MACF1: variants seen among roughly 807,000 people sequenced by gnomAD.
MACF1 encodes the protein microtubule-actin cross-linking factor 1.
A neutral mutation model predicts 854.8 loss-of-function variants in MACF1; 193 were observed. The ratio of observed to expected loss-of-function variants is 0.23; its 90% CI spans 0.20 to 0.25. The LOEUF is 0.25. MACF1 is among the 10% of genes least tolerant of loss of function. The pLI, the probability that MACF1 is intolerant of heterozygous loss-of-function variation, is 1.00. For synonymous variants in MACF1, 3,185 were observed against 3,226.7 expected (o/e 0.99, Z 0.44); for missense variants, 7,722 against 8,929.1 (o/e 0.86, Z 5.45).
chr1:39,151,584 C>T (rs917449197), intron 2 of MACF1, among the ~76,000 whole-genome samples: 1 of 152,166 alleles, frequency 6.6e-6, no homozygotes, highest in African/African-American at 2.4e-5. Flanking sequence ...GCTCATGTTT[C>T]TACTTTGTTT....
In MACF1 at chr1:39,316,407, G is replaced by A. The variant is rs1038694213; in HGVS notation, c.3466G>A (p.Val1156Ile). The A allele has an allele frequency of 1.9e-6, 3 of 1,611,694 alleles. No individual in the cohort carries two copies. Among genetic ancestry groups the A allele is most frequent in the South Asian group, 2.2e-5 (2 of 90,642 alleles). The change falls in exon 28 of 101, where the codon GTT (valine) becomes ATT (isoleucine). Residue 1156 changes from valine to isoleucine, a missense_variant. This residue lies in a region of MACF1 where 1,137 missense variants were observed against 1,263.0 expected (regional missense o/e 0.90). Coordinates refer to ENST00000564288, the MANE Select transcript of MACF1 (RefSeq NM_001394062.1). ...TCCCCACAGGTTAAAGACAGTTGAT[G>A]TTATAGTACGTAGCATACAGGATGC... Reference protein sequence around the residue: ...VYLNKLKTVDVIVRSIQDAEL... With the variant: ...VYLNKLKTVDIIVRSIQDAEL...
At chr1:39,453,154 T>A (rs1250949914) in intron 87 of MACF1, among the ~76,000 whole-genome samples, 1 of 152,218 alleles carries the variant, frequency 6.6e-6, no homozygotes, top group Non-Finnish European at 1.5e-5. Flanking sequence ...TAGGCCCTGA[T>A]CTGATCCCCC....
At chr1:39,350,497 A>C (rs1479214361) in intron 42 of MACF1, among the ~76,000 whole-genome samples, 1 of 152,230 alleles carries the variant, frequency 6.6e-6, no homozygotes, top group East Asian at 1.9e-4. Flanking sequence ...CATGTTGTCA[A>C]CACTTCTTTA....
chr1:39,334,787 C>T lies in MACF1; in HGVS notation c.8199C>T (p.Asp2733=), dbSNP rs755338410. The change falls in exon 37 of 101, where the codon GAC becomes GAT. Residue 2733 remains aspartate (D), a synonymous_variant. Coordinates refer to ENST00000564288, the MANE Select transcript of MACF1 (RefSeq NM_001394062.1). ...SHQVLNGGIV[D]IFSDQRVTLV... is the part of the protein sequence containing the mutation. ...AGGTGTTAAATGGAGGAATTGTTGA[C>T]ATATTTAGTGATCAGAGAGTGACTT... 6.8e-6 allele frequency: 11 copies of T among 1,613,948 alleles called. No individual in the cohort carries two copies. The South Asian group carries it at 1.1e-4, about 16-fold the overall frequency.
intron 58 of MACF1, among the ~76,000 whole-genome samples, chr1:39,408,952 C>T (rs1358135177): frequency 7.4e-6 from 1 of 134,268 alleles, no homozygotes; most frequent in Non-Finnish European, 1.6e-5. Flanking sequence ...GCCCCGCCCC[C>T]GCCCTCGTCC....
intron 2 of MACF1, among the ~76,000 whole-genome samples, chr1:39,186,062 G>A (rs1644164506): frequency 1.3e-5 from 2 of 151,892 alleles, no homozygotes. Flanking sequence ...ATGAGCTAAA[G>A]GCCTTTAATC....
chr1:39,116,370 G>T (rs1642544075), intron 2 of MACF1, among the ~76,000 whole-genome samples: 1 of 148,570 alleles, frequency 6.7e-6, no homozygotes, highest in South Asian at 2.1e-4. Context: ...AGGAAGGAAA[G>T]AAGGGGTGAG....
Position 39,358,712 on chromosome 1 carries a change from T to C in MACF1, c.11959T>C (p.Ser3987Pro), listed in dbSNP as rs1647812365. 1 of 1,613,998 alleles carries C rather than the reference T, an allele frequency of 6.2e-7. No individual in the cohort carries two copies. The highest frequency in any genetic ancestry group is 1.3e-5 in the African/African-American group (1 of 74,928). Residue 3987 changes from serine to proline, a missense_variant, in exon 46 of 101, where the codon TCT becomes CCT. This residue lies in a region of MACF1 where 2,807 missense variants were observed against 3,235.8 expected (regional missense o/e 0.87). Coordinates refer to ENST00000564288, the MANE Select transcript of MACF1 (RefSeq NM_001394062.1). Reference protein sequence around the residue: ...ALHSKCTRLGSHLNMLLGQYH... With the variant: ...ALHSKCTRLGPHLNMLLGQYH... ...TCTGGCACAGTGTACACGATTAGGA[T>C]CTCACCTGAATATGCTGTTAGGCCA...
chr1:39,232,781 CTTTG>C (rs1460933701), intron 2 of MACF1, among the ~76,000 whole-genome samples: 76 of 102,768 alleles, frequency 7.4e-4, no homozygotes, highest in Non-Finnish European at 7.9e-4. Context: ...TTGTTTGTTT[CTTTG>C]TTTGTTTGTT....
At position 39,460,917 on chromosome 1, in the gene MACF1, T is replaced by C; in HGVS notation, c.21523+123T>C. ...CCAGGAGCTTGGCTCACACCTGTAA[T>C]TCCAGCACTTTGGGAGGCAGGTGGC... On this transcript the variant is annotated intron_variant, in intron 92 of 100. Transcript: ENST00000564288. This position sits in a 1 kb window ranked among gnomAD's most constrained non-coding sequence, Gnocchi z 4.1. The C allele has an allele frequency of 9.0e-7, 1 of 1,106,418 alleles. No individual in the cohort carries two copies. The highest frequency in any genetic ancestry group is 1.3e-6 in the Non-Finnish European group (1 of 757,764). The allele number at this position is 1,106,418 out of a possible 1,614,324, so 68.5% of individuals were successfully genotyped here. A position where few individuals can be genotyped will look rare whatever the true frequency, so the allele number is the denominator to read the frequency against.
chr1:39,466,928 C>G (rs938376093), intron 95 of MACF1, among the ~76,000 whole-genome samples: 4 of 152,144 alleles, frequency 2.6e-5, no homozygotes, highest in African/African-American at 9.7e-5. Context: ...GCAAATACTG[C>G]ATTTGAGTCA....
At chr1:39,341,312 G>A (rs527501834) in intron 40 of MACF1, among the ~76,000 whole-genome samples, 68 of 151,546 alleles carry the variant, frequency 4.5e-4, no homozygotes, top group African/African-American at 1.4e-3. Context: ...GGGATTATAG[G>A]TGTGAGCCAC....
intron 97 of MACF1, among the ~76,000 whole-genome samples, chr1:39,470,823 G>A (rs1373213721): frequency 6.6e-6 from 1 of 152,050 alleles, no homozygotes; most frequent in East Asian, 1.9e-4. Flanking sequence ...TGTCATGTAT[G>A]ATCAGACTAA....
At chr1:39,221,753 C>T (rs866298614) in intron 1 of MACF1, among the ~76,000 whole-genome samples, 1 of 152,190 alleles carries the variant, frequency 6.6e-6, no homozygotes, top group South Asian at 2.1e-4. Context: ...TTTCCTGCTG[C>T]CTCTGCCCTA....
In MACF1 at chr1:39,440,106, C is replaced by CTTT. The variant is rs1251165556; in HGVS notation, c.18447+608_18447+610dup. On this transcript the variant is annotated intron_variant, in intron 72 of 100. Transcript: ENST00000564288. ...CTTTTCTTTTCTTTTCTTTTCTTTT[C>CTTT]TTTTCTTTTTTTTTTTTTTTTTTGG... Among the ~76,000 whole-genome samples the CTTT allele has an allele frequency of 6.6e-3, 447 of 68,100 alleles. 17 individuals are homozygous for CTTT. Among genetic ancestry groups the CTTT allele is most frequent in the African/African-American group, 0.028 (420 of 15,182 alleles). 44.7% of individuals were successfully genotyped at this position (68,100 alleles called of 152,430 possible).
intron 23 of MACF1, among the ~76,000 whole-genome samples, chr1:39,308,094 C>T (rs981144930): frequency 1.3e-5 from 2 of 151,444 alleles, no homozygotes; most frequent in East Asian, 1.9e-4. Flanking sequence ...TTAGTAGAGA[C>T]GGGGTTTCAC....
chr1:39,361,028 A>G, intron 48 of MACF1, 27 bp downstream of exon 48: 1 of 1,592,054 alleles, frequency 6.3e-7, no homozygotes, highest in East Asian at 2.2e-5. Flanking sequence ...AAGAGCTAGC[A>G]TAGAGGGTAT....
chr1:39,213,942 C>T (rs543076546), intron 1 of MACF1, among the ~76,000 whole-genome samples: 11 of 152,250 alleles, frequency 7.2e-5, no homozygotes, highest in African/African-American at 2.2e-4. Context: ...GAGGGATACC[C>T]ACTTGGGAGT....
intron 2 of MACF1, among the ~76,000 whole-genome samples, chr1:39,188,322 T>C (rs2484133): frequency 0.29 from 43,854 of 151,934 alleles, 6,612 homozygotes; most frequent in Middle Eastern, 0.39. Context: ...GTGGGCAGAT[T>C]GCTTGAGCCC....
Sources: allele counts gnomAD v4.1 joint callset (sites outside exome capture counted in the v4.1 genomes callset), GRCh38; gene constraint gnomAD v4.1.1; regional missense constraint gnomAD v4.1.1; non-coding constraint Gnocchi (gnomAD v3.1); transcripts MANE v1.5; gene names NCBI Gene and HGNC (gene_info 2026-07-23, HGNC 2026-07-21).